The following PPL variants were observed in gnomAD, a reference collection of about 807,000 sequenced individuals.
The protein encoded by PPL is periplakin.
PPL carries 198 observed loss-of-function variants against 194.4 expected under a neutral mutation model. That is an observed-to-expected ratio of 1.02 (90% CI 0.91 to 1.15). PPL has a LOEUF of 1.15. Among genes scored for constraint, PPL ranks in the 50% most tolerant of loss-of-function variants. The pLI is 0.00. For synonymous variants in PPL, 1,220 were observed against 972.4 expected (o/e 1.25, Z -4.74); for missense variants, 2,885 against 2,294.8 (o/e 1.26, Z -5.25).
At chr16:4,888,792 C>T (rs934003739) in intron 19 of PPL, 186 bp downstream of exon 19, 1 of 615,662 alleles carries the variant, frequency 1.6e-6, no homozygotes, top group Non-Finnish European at 3.0e-6. Context: ...CCTTTTACAG[C>T]ATTCCATGTC....
At chr16:4,889,510 G>C (rs965320598) in intron 18 of PPL, among the ~76,000 whole-genome samples, 6 of 151,822 alleles carry the variant, frequency 4.0e-5, no homozygotes, top group African/African-American at 9.7e-5. Flanking sequence ...TCCTGCCTCA[G>C]CCTCCCAAAA....
In PPL at chr16:4,917,089, G is replaced by A. The variant is rs571222777; in HGVS notation, c.63-6140C>T. Among the ~76,000 whole-genome samples, 36 of 152,090 alleles carry A rather than the reference G, an allele frequency of 2.4e-4. 1 individual carries two copies. In the South Asian group the frequency reaches 6.2e-3, roughly 26 times the overall value. On this transcript the variant is annotated intron_variant, in intron 1 of 21. Coordinates refer to ENST00000345988, the MANE Select transcript of PPL (RefSeq NM_002705.5). The stretch of plus-strand genomic sequence containing the variant: ...GGAGGTTGCAATGAGCTGAGATGGC[G>A]CCACTGCACTCCAGCCTGGGTGATG...
Position 4,903,969 on chromosome 16 carries a change from A to G in PPL, c.234T>C (p.Ser78=), listed in dbSNP as rs1272422473. The G allele has an allele frequency of 6.2e-7, 1 of 1,614,000 alleles. No individual in the cohort carries two copies. Among genetic ancestry groups the G allele is most frequent in the African/African-American group, 1.3e-5 (1 of 75,064 alleles). ...RDVTLQKVLD[S]EKLLYVLEAD... Reference sequence around the variant, plus strand: ...CCTCTAGCACATAGAGCAGCTTCTCAGAGTCCAACACCTTCTGCAGGGTCA... The same window carrying G: ...CCTCTAGCACATAGAGCAGCTTCTCGGAGTCCAACACCTTCTGCAGGGTCA... The change falls in exon 3 of 22, where the codon TCT becomes TCC. Residue 78 remains serine (S), a synonymous_variant. Transcript: ENST00000345988.
Position 4,902,440 on chromosome 16 carries a change from T to C in PPL, c.404A>G (p.Gln135Arg). 1 of 1,614,072 alleles carries C rather than the reference T, an allele frequency of 6.2e-7. No individual in the cohort carries two copies. Among genetic ancestry groups the C allele is most frequent in the Non-Finnish European group, 8.5e-7 (1 of 1,179,984 alleles). The change falls in exon 4 of 22, where the codon CAG becomes CGG. Residue 135 changes from glutamine to arginine, a missense_variant. Transcript: ENST00000345988. This position sits in a 1 kb window ranked among gnomAD's most constrained non-coding sequence, Gnocchi z 4.0. ...CTCCACCAGTGCCGCCCAGTTGACC[T>C]GTGGATCCACTTCCTTCACCGCCAG... is the stretch of plus-strand genomic sequence containing the variant. ...YRLAVKEVDPQVNWAALVEEK... is the reference protein window; with the variant it reads ...YRLAVKEVDPRVNWAALVEEK...
intron 1 of PPL, among the ~76,000 whole-genome samples, chr16:4,912,984 G>A (rs1395306320): frequency 7.2e-5 from 11 of 152,040 alleles, no homozygotes; most frequent in Non-Finnish European, 1.3e-4. Flanking sequence ...TGCGCCTGTA[G>A]TCCCAGCTAC....
chr16:4,883,609 C>A lies in PPL; in HGVS notation c.5046G>T (p.Trp1682Cys). 1.2e-6 allele frequency: 2 copies of A among 1,614,180 alleles called. No individual in the cohort carries two copies. Among genetic ancestry groups the A allele is most frequent in the Middle Eastern group, 3.3e-4 (2 of 6,062 alleles). ...GGCTTCTGAGTTTCACGAACATGTT[C>A]CAGTCAATGAGCCCGGCACGGTGGG... ...EEAHRAGLID[W>C]NMFVKLRSQE... Residue 1682 changes from tryptophan (W) to cysteine (C), a missense_variant, in exon 22 of 22, where the codon TGG becomes TGT. Trp to Cys is a radical substitution (Grantham distance 215). Transcript: ENST00000345988. The surrounding 1 kb of genome is among the most constrained non-coding windows in gnomAD (Gnocchi z 4.8).
chr16:4,935,129 C>A (rs1023839390), intron 1 of PPL, among the ~76,000 whole-genome samples: 1 of 152,152 alleles, frequency 6.6e-6, no homozygotes, highest in Non-Finnish European at 1.5e-5. Flanking sequence ...AGTGGCAGGA[C>A]CCCAAATCTT....
Position 4,890,941 on chromosome 16 carries a change from G to A in PPL, c.1969-20C>T. The A allele has an allele frequency of 6.7e-7, 1 of 1,498,262 alleles. No individual in the cohort carries two copies. The highest frequency in any genetic ancestry group is 8.9e-7 in the Non-Finnish European group (1 of 1,117,412). 92.8% of individuals were successfully genotyped at this position (1,498,262 alleles called of 1,614,324 possible). A position where few individuals can be genotyped will look rare whatever the true frequency, so the allele number is the denominator to read the frequency against. ...CATGGCCTGGCGGGGCAGAGGAGGAGACGGCGGTGCTACGGCCAGAGCTCC... is the reference window on the plus strand; with the variant it reads ...CATGGCCTGGCGGGGCAGAGGAGGAAACGGCGGTGCTACGGCCAGAGCTCC... On this transcript the variant is annotated intron_variant, in intron 16 of 21. Transcript: ENST00000345988.
chr16:4,901,958 AAATAAAT>A lies in PPL; in HGVS notation c.438+441_438+447del, dbSNP rs750073879. On this transcript the variant is annotated intron_variant, in intron 4 of 21. Coordinates refer to ENST00000345988, the MANE Select transcript of PPL (RefSeq NM_002705.5). Reference sequence around the variant, plus strand: ...TTGTCTCAAAAATAAATAAATAAATAAATAAATAAATAAATAAATAAAACTGGGGAAG... The same window carrying A: ...TTGTCTCAAAAATAAATAAATAAATAAAATAAATAAATAAAACTGGGGAAG... Among the ~76,000 whole-genome samples, 144 of 127,964 alleles carry A rather than the reference AAATAAAT, an allele frequency of 1.1e-3. 1 individual carries two copies. The highest frequency in any genetic ancestry group is 4.2e-3 in the African/African-American group (138 of 32,934). 83.9% of individuals were successfully genotyped at this position (127,964 alleles called of 152,430 possible).
At chr16:4,929,915 T>C (rs1384677907) in intron 1 of PPL, among the ~76,000 whole-genome samples, 3 of 151,922 alleles carry the variant, frequency 2.0e-5, no homozygotes, top group African/African-American at 7.3e-5. Context: ...CTTCAACTCC[T>C]GGCCTCAAGT....
intron 9 of PPL, 53 bp from the exon 10 acceptor site, chr16:4,895,769 G>A (rs2142351953): frequency 1.2e-6 from 2 of 1,611,694 alleles, no homozygotes; most frequent in Non-Finnish European, 1.7e-6. Context: ...AAGCACCTGG[G>A]CTTCTGTCGG....
intron 1 of PPL, among the ~76,000 whole-genome samples, chr16:4,935,340 G>A (rs2089282857): frequency 6.6e-6 from 1 of 152,160 alleles, no homozygotes; most frequent in African/African-American, 2.4e-5. Context: ...GCGAGGCCTG[G>A]CCCCACCACT....
rs1229788968 is a variant in PPL at position 4,889,044 on chromosome 16, TATCTC to T, written c.2326_2330del (p.Glu776SerfsTer3). 1 of 1,613,752 alleles carries T rather than the reference TATCTC, an allele frequency of 6.2e-7. No homozygotes were observed. Among genetic ancestry groups the T allele is most frequent in the Non-Finnish European group, 8.5e-7 (1 of 1,179,882 alleles). ...TCTGTACTTCCTGCTCCCTACTTGC[TATCTC>T]ATCTAGCAGGTTCTGTAAGACAGAG... is the stretch of plus-strand genomic sequence containing the variant. On this transcript the variant is annotated frameshift_variant, in exon 19 of 22. Coordinates refer to ENST00000345988, the MANE Select transcript of PPL (RefSeq NM_002705.5). LOFTEE classifies it high-confidence loss of function.
intron 1 of PPL, among the ~76,000 whole-genome samples, chr16:4,921,547 A>G (rs1219371225): frequency 6.6e-6 from 1 of 152,004 alleles, no homozygotes; most frequent in East Asian, 1.9e-4. Context: ...GCTCACTGCA[A>G]CCTCTGCCTC....
In PPL at chr16:4,893,257, C is replaced by T; in HGVS notation, c.1606G>A (p.Gly536Ser). Residue 536 changes from glycine (G) to serine (S), a missense_variant, in exon 14 of 22, where the codon GGC (glycine) becomes AGC (serine). By Grantham distance (56) the Gly-to-Ser change is moderately conservative. Coordinates refer to ENST00000345988, the MANE Select transcript of PPL (RefSeq NM_002705.5). ...TGILRPPLEQGRAVQDSAERA... is the reference protein window; with the variant it reads ...TGILRPPLEQSRAVQDSAERA... ...TCGGCACTGTCCTGCACAGCCCGGC[C>T]TTGCTCCAGTGGTGGCCGCAGGATC... The T allele has an allele frequency of 6.3e-7, 1 of 1,595,408 alleles. No homozygotes were observed. Among genetic ancestry groups the T allele is most frequent in the Non-Finnish European group, 8.5e-7 (1 of 1,174,372 alleles).
chr16:4,888,602 G>A (rs1362082934), intron 19 of PPL: 3 of 316,986 alleles, frequency 9.5e-6, no homozygotes, highest in African/African-American at 6.3e-5. Flanking sequence ...CCATCAGGTG[G>A]ATGTGTGCTG....
intron 1 of PPL, among the ~76,000 whole-genome samples, chr16:4,930,332 G>C (rs1273259489): frequency 6.6e-6 from 1 of 152,184 alleles, no homozygotes; most frequent in South Asian, 2.1e-4. Context: ...TCACCGTCCT[G>C]CACGCAGGAG....
At chr16:4,926,139 T>C (rs2089150487) in intron 1 of PPL, among the ~76,000 whole-genome samples, 1 of 152,172 alleles carries the variant, frequency 6.6e-6, no homozygotes, top group Admixed American at 6.6e-5. Flanking sequence ...CTGATCCTTA[T>C]AACAACTAGT....
At chr16:4,904,806 G>C (rs1323056878) in intron 2 of PPL, among the ~76,000 whole-genome samples, 1 of 152,160 alleles carries the variant, frequency 6.6e-6, no homozygotes, top group Non-Finnish European at 1.5e-5. Flanking sequence ...CAAGGGTGTG[G>C]GCTGGGAGGG....
Sources: gnomAD v4.1 joint callset for allele counts (sites outside exome capture counted in the v4.1 genomes callset) on GRCh38, gnomAD v4.1.1 for gene constraint, Gnocchi (gnomAD v3.1) non-coding constraint, MANE v1.5 for transcripts, NCBI Gene and HGNC (gene_info 2026-07-23, HGNC 2026-07-21) for gene names.